Variants in SORCS3 observed in about 807,000 individuals in gnomAD.
SORCS3 encodes VPS10 domain-containing receptor SorCS3.
In SORCS3, 57 loss-of-function variants were observed where a neutral mutation model predicts 146.3. The ratio of observed to expected loss-of-function variants is 0.39; its 90% CI spans 0.31 to 0.49. The LOEUF (loss-of-function observed/expected upper bound fraction) is 0.49, where lower values mean the gene tolerates loss of function less well. Ranked by LOEUF, SORCS3 falls within the 20% of genes least tolerant of loss-of-function variation. The pLI is 0.92. For missense variants in SORCS3, 1,341 were observed against 1,575.5 expected, an observed-to-expected ratio of 0.85 and a Z score of 2.52; for synonymous variants, 653 against 618.5, an observed-to-expected ratio of 1.06 and a Z score of -0.83.
At chr10:104,859,205 C>T (rs912900537) in intron 2 of SORCS3, among the ~76,000 whole-genome samples, 1 of 152,146 alleles carries the variant, frequency 6.6e-6, no homozygotes, top group Non-Finnish European at 1.5e-5. Context: ...TGTGTCTCTC[C>T]TGCTGCCGGA....
intron 5 of SORCS3, among the ~76,000 whole-genome samples, chr10:105,079,891 GTTCT>G (rs777587835): frequency 1.1e-4 from 17 of 152,052 alleles, no homozygotes; most frequent in Non-Finnish European, 2.4e-4. Context: ...ACCTGATCTT[GTTCT>G]TTTTTATGGC....
At chr10:104,684,782 T>G (rs1051142444) in intron 1 of SORCS3, among the ~76,000 whole-genome samples, 8 of 3,698 alleles carry the variant, frequency 2.2e-3, no homozygotes, top group East Asian at 0.01. Context: ...CCTCAGTGTT[T>G]TTTTTTTTTT....
At chr10:104,949,970 G>A (rs530285535) in intron 3 of SORCS3, among the ~76,000 whole-genome samples, 1 of 152,304 alleles carries the variant, frequency 6.6e-6, no homozygotes, top group South Asian at 2.1e-4. Context: ...AGTTTAATTT[G>A]TAATCAGTTT....
intron 9 of SORCS3, among the ~76,000 whole-genome samples, chr10:105,153,846 G>C (rs992191686): frequency 6.6e-6 from 1 of 151,856 alleles, no homozygotes; most frequent in South Asian, 2.1e-4. Flanking sequence ...CCAGGCGGGC[G>C]AATCATGAGG....
chr10:105,105,542 T>C, intron 7 of SORCS3, 27 bp downstream of exon 7: 1 of 1,503,012 alleles, frequency 6.7e-7, no homozygotes, highest in Non-Finnish European at 9.3e-7. Context: ...CAGTTGGTGG[T>C]AGGAGGATGC....
chr10:104,771,784 C>A (rs151069275), intron 1 of SORCS3, among the ~76,000 whole-genome samples: 67 of 151,682 alleles, frequency 4.4e-4, no homozygotes, highest in African/African-American at 1.6e-3. Flanking sequence ...CTGGTTGACC[C>A]CTTCAAGCAA....
rs1428447517 is a variant in SORCS3 at position 104,647,788 on chromosome 10, A to G, written c.627+5834A>G. Among the ~76,000 whole-genome samples the G allele has an allele frequency of 3.3e-5, 5 of 152,216 alleles. No homozygotes were observed. The East Asian group carries it at 9.6e-4, about 29-fold the overall frequency. On this transcript the variant is annotated intron_variant, in intron 1 of 26. Transcript: ENST00000369701. ...AACTGGTGTATTATTTCATGTATGA[A>G]TGTTAACATAAGATTCAGAGGGGTC... is the stretch of plus-strand genomic sequence containing the variant.
At position 105,157,283 on chromosome 10, in the gene SORCS3, T is replaced by A. The variant is rs928150180; in HGVS notation, c.1628T>A (p.Leu543Gln). 3.7e-6 allele frequency: 6 copies of A among 1,613,896 alleles called. No individual in the cohort carries two copies. The highest frequency in any genetic ancestry group is 5.1e-6 in the Non-Finnish European group (6 of 1,179,870). The change falls in exon 10 of 27, where the codon CTG (leucine) becomes CAG (glutamine). Residue 543 changes from leucine to glutamine, a missense_variant and splice_region_variant. Physicochemically the swap from Leu to Gln is moderately radical, Grantham distance 113. Coordinates refer to ENST00000369701, the MANE Select transcript of SORCS3 (RefSeq NM_014978.3). ...DLRGSPVHCL[L>Q]PFCSLHLHLQ... ...AGAGGAAGCCCAGTGCACTGCCTGC[T>A]GGTCAGTCACTCAGCCTCATGGGAA...
chr10:104,736,145 A>G (rs2016769007), intron 1 of SORCS3, among the ~76,000 whole-genome samples: 1 of 152,164 alleles, frequency 6.6e-6, no homozygotes, highest in South Asian at 2.1e-4. Flanking sequence ...TCCTCCTGCG[A>G]CTGGACTAAA....
chr10:105,002,485 G>T (rs2055068183), intron 4 of SORCS3, among the ~76,000 whole-genome samples: 1 of 152,126 alleles, frequency 6.6e-6, no homozygotes, highest in Non-Finnish European at 1.5e-5. Flanking sequence ...CGGGGTATAA[G>T]GGCCACAGAA....
rs990179075 is a variant in SORCS3, at chr10:105,201,243, G to A, written c.2251G>A (p.Asp751Asn). The A allele has an allele frequency of 6.2e-7, 1 of 1,606,940 alleles. No homozygotes were observed. The highest frequency in any genetic ancestry group is 1.3e-5 in the African/African-American group (1 of 74,642). The change falls in exon 16 of 27, where the codon GAC becomes AAC. Residue 751 changes from aspartate to asparagine, a missense_variant. Asp to Asn is a conservative substitution (Grantham distance 23). Coordinates refer to ENST00000369701, the MANE Select transcript of SORCS3 (RefSeq NM_014978.3). ...VSEPCVCANW[D>N]FECDYGYERH... ...AGAACCCTGTGTCTGTGCCAATTGG[G>A]ACTTCGAGTGGTGAGTTGTTTGGCA...
chr10:104,683,326 G>A (rs2016002448), intron 1 of SORCS3, among the ~76,000 whole-genome samples: 1 of 152,166 alleles, frequency 6.6e-6, no homozygotes, highest in Non-Finnish European at 1.5e-5. Context: ...CAGGGCTAAA[G>A]TGCCCAAGAC....
In SORCS3 at chr10:105,089,785, G is replaced by A. The variant is rs530482370; in HGVS notation, c.1039G>A (p.Gly347Arg). ...CCCTTCCTTTCCCAGGTCGGTGGCC[G>A]GATTGGATAAGGAGGCGGACCTGGT... ...TPNRFYWSVAGLDKEADLVHM... is the reference protein window; with the variant it reads ...TPNRFYWSVARLDKEADLVHM... The change falls in exon 6 of 27, where the codon GGA becomes AGA. Residue 347 changes from glycine (G) to arginine (R), a missense_variant. By Grantham distance (125) the Gly-to-Arg change is moderately radical. Transcript: ENST00000369701. 3.2e-5 allele frequency: 51 copies of A among 1,613,966 alleles called. No homozygotes were observed. Among genetic ancestry groups the A allele is most frequent in the South Asian group, 1.2e-4 (11 of 91,062 alleles).
intron 1 of SORCS3, among the ~76,000 whole-genome samples, chr10:104,709,015 G>A (rs1271569198): frequency 6.6e-6 from 1 of 152,180 alleles, no homozygotes; most frequent in African/African-American, 2.4e-5. Flanking sequence ...CTCTGCCTTG[G>A]CCACCTGGCC....
intron 1 of SORCS3, among the ~76,000 whole-genome samples, chr10:104,656,131 G>A (rs1008612041): frequency 2.0e-5 from 3 of 152,140 alleles, no homozygotes; most frequent in Non-Finnish European, 4.4e-5. Flanking sequence ...GGGCAGAGAG[G>A]GAGATGCAGA....
chr10:104,794,869 A>G (rs2017535485), intron 1 of SORCS3, among the ~76,000 whole-genome samples: 1 of 152,146 alleles, frequency 6.6e-6, no homozygotes, highest in East Asian at 1.9e-4. Flanking sequence ...TAAAGCTTGT[A>G]GAGGAGGAGT....
chr10:105,180,495 G>C (rs2056436671), intron 14 of SORCS3, among the ~76,000 whole-genome samples: 1 of 152,162 alleles, frequency 6.6e-6, no homozygotes, highest in Non-Finnish European at 1.5e-5. Flanking sequence ...GAGGGTGGCT[G>C]GGTGTTAAGG....
At chr10:104,668,693 C>G (rs1019583819) in intron 1 of SORCS3, among the ~76,000 whole-genome samples, 4 of 152,126 alleles carry the variant, frequency 2.6e-5, no homozygotes. Context: ...TTTTTGAACT[C>G]AGAATAAAAC....
chr10:104,725,337 G>T (rs1022291264), intron 1 of SORCS3, among the ~76,000 whole-genome samples: 18 of 152,220 alleles, frequency 1.2e-4, no homozygotes, highest in African/African-American at 4.3e-4. Context: ...TCCTGTGGAA[G>T]TTTTGTCTCA....
Sources: allele counts gnomAD v4.1 joint callset (sites outside exome capture counted in the v4.1 genomes callset), GRCh38; gene constraint gnomAD v4.1.1; transcripts MANE v1.5; gene names NCBI Gene and HGNC (gene_info 2026-07-23, HGNC 2026-07-21).